The following AFF2 variants were observed in gnomAD, a reference collection of about 807,000 sequenced individuals.
The protein encoded by AFF2 is ALF transcription elongation factor 2.
In AFF2, 14 loss-of-function variants were observed where a neutral mutation model predicts 76.9. The observed-to-expected ratio is 0.18, with a 90% CI of 0.12 to 0.28. The LOEUF is 0.28. AFF2 is among the 10% of genes least tolerant of loss of function. AFF2 has a pLI of 1.00. For synonymous variants in AFF2, 398 were observed against 366.7 expected (o/e 1.09, Z -0.98); for missense variants, 868 against 1,001.1 (o/e 0.87, Z 1.79).
chrX:148,601,846 A>G (rs1432856062), intron 1 of AFF2, among the ~76,000 whole-genome samples: 2 of 112,193 alleles, frequency 1.8e-5, no homozygotes, highest in Non-Finnish European at 3.8e-5. Context: ...TCTCCATTCA[A>G]TAATGGTTTT....
chrX:148,635,166 C>A (rs2054018560), intron 1 of AFF2, among the ~76,000 whole-genome samples: 1 of 111,212 alleles, frequency 9.0e-6, no homozygotes, highest in South Asian at 3.8e-4. Context: ...GGGAGATTAT[C>A]CTGGATTATC....
intron 5 of AFF2, among the ~76,000 whole-genome samples, chrX:148,839,683 C>T (rs1265375212): frequency 9.0e-6 from 1 of 111,724 alleles, no homozygotes; most frequent in Non-Finnish European, 1.9e-5. Flanking sequence ...GGTGATTTCC[C>T]TTTCCTCAGT....
chrX:148,567,191 C>G (rs782445847), intron 1 of AFF2, among the ~76,000 whole-genome samples: 22 of 111,926 alleles, frequency 2.0e-4, no homozygotes, highest in African/African-American at 5.5e-4. Flanking sequence ...ATTTATGCTA[C>G]AGTGATTCTC....
At chrX:148,593,973 A>G (rs781858755) in intron 1 of AFF2, among the ~76,000 whole-genome samples, 1 of 111,257 alleles carries the variant, frequency 9.0e-6, no homozygotes, top group Non-Finnish European at 1.9e-5. Context: ...TACCAAAACA[A>G]TTTCTTCACA....
At chrX:148,869,927 A>T (rs1263954998) in intron 7 of AFF2, among the ~76,000 whole-genome samples, 3 of 111,300 alleles carry the variant, frequency 2.7e-5, no homozygotes, top group Non-Finnish European at 5.7e-5. Context: ...GTCATATCGG[A>T]TTAGGGATCA....
chrX:148,886,955 G>A (rs187729786), intron 8 of AFF2, among the ~76,000 whole-genome samples: 52 of 112,504 alleles, frequency 4.6e-4, no homozygotes, highest in African/African-American at 1.6e-3. Context: ...AAATTATCAA[G>A]GCTCAGCTAC....
chrX:148,723,475 A>G (rs181076852), intron 3 of AFF2, among the ~76,000 whole-genome samples: 451 of 111,224 alleles, frequency 4.1e-3, no homozygotes, highest in Non-Finnish European at 6.6e-3. Context: ...AATTATTGAG[A>G]GCACATTAGG....
intron 7 of AFF2, among the ~76,000 whole-genome samples, chrX:148,850,235 T>G (rs184156049): frequency 1.6e-3 from 176 of 112,099 alleles, no homozygotes; most frequent in African/African-American, 5.6e-3. Context: ...AAGAGAAAAC[T>G]AATATTTGGG....
Position 148,554,487 on chromosome X carries a change from G to T in AFF2, c.47+53343G>T, listed in dbSNP as rs782500605. On this transcript the variant is annotated intron_variant, in intron 1 of 20. Coordinates refer to ENST00000370460, the MANE Select transcript of AFF2 (RefSeq NM_002025.4). Reference sequence around the variant, plus strand: ...AGACAGGGCTGGAGGTTAGCAGAGGGTGATAAAACTGAAGGAGTTAGATCG... The same window carrying T: ...AGACAGGGCTGGAGGTTAGCAGAGGTTGATAAAACTGAAGGAGTTAGATCG... Among the ~76,000 whole-genome samples the T allele has an allele frequency of 6.2e-5, 7 of 112,155 alleles. No homozygotes were observed. In the South Asian group the frequency reaches 2.6e-3, roughly 42 times the overall value.
intron 3 of AFF2, among the ~76,000 whole-genome samples, chrX:148,780,594 C>G (rs1557269010): frequency 9.0e-6 from 1 of 111,548 alleles, no homozygotes; most frequent in Admixed American, 9.5e-5. Context: ...TTTTTCAGCT[C>G]CATAAGGTCA....
chrX:148,771,671 A>G lies in AFF2; in HGVS notation c.1042-38205A>G, dbSNP rs782807399. On this transcript the variant is annotated intron_variant, in intron 3 of 20. Coordinates refer to ENST00000370460, the MANE Select transcript of AFF2 (RefSeq NM_002025.4). The stretch of plus-strand genomic sequence containing the variant: ...CACCAGGTGATCCTCAGTGAATCTG[A>G]TTGTTGACTCATTTGCTCTCTCACT... Among the ~76,000 whole-genome samples, 9 of 112,162 alleles carry G rather than the reference A, an allele frequency of 8.0e-5. No homozygotes were observed. In the East Asian group the frequency reaches 2.3e-3, roughly 28 times the overall value.
At chrX:148,836,343 A>G (rs782394282) in intron 4 of AFF2, among the ~76,000 whole-genome samples, 3 of 112,110 alleles carry the variant, frequency 2.7e-5, no homozygotes, top group African/African-American at 9.7e-5. Context: ...TCTGTGAAGT[A>G]TCTCCTTGCA....
intron 4 of AFF2, among the ~76,000 whole-genome samples, chrX:148,816,325 AG>A (rs1410884032): frequency 5.4e-5 from 6 of 111,711 alleles, no homozygotes; most frequent in African/African-American, 2.0e-4. Context: ...GAATAAAACA[AG>A]GCTTGTCCCT....
intron 8 of AFF2, among the ~76,000 whole-genome samples, chrX:148,899,348 G>A (rs1569556809): frequency 9.0e-6 from 1 of 111,499 alleles, no homozygotes; most frequent in Non-Finnish European, 1.9e-5. Context: ...TTGATTTTAG[G>A]CCATCTGAAT....
At chrX:148,852,719 C>A (rs1238493859) in intron 7 of AFF2, among the ~76,000 whole-genome samples, 1 of 111,592 alleles carries the variant, frequency 9.0e-6, no homozygotes, top group East Asian at 2.8e-4. Flanking sequence ...ATGCTCACAG[C>A]AACCTCGTGA....
At chrX:148,627,632 G>A (rs782231805) in intron 1 of AFF2, among the ~76,000 whole-genome samples, 20 of 112,216 alleles carry the variant, frequency 1.8e-4, no homozygotes, top group African/African-American at 6.5e-4. Flanking sequence ...AAGGTAAAAT[G>A]AATGGTCTGG....
At chrX:148,949,763 A>C (rs782609583) in intron 9 of AFF2, among the ~76,000 whole-genome samples, 2 of 112,591 alleles carry the variant, frequency 1.8e-5, no homozygotes, top group African/African-American at 3.2e-5. Flanking sequence ...AATGTTAATT[A>C]TTTTTAGTAT....
At chrX:148,619,638 C>A (rs184759380) in intron 1 of AFF2, among the ~76,000 whole-genome samples, 1 of 112,098 alleles carries the variant, frequency 8.9e-6, no homozygotes, top group Non-Finnish European at 1.9e-5. Flanking sequence ...ATAGAATATT[C>A]CAGATATGCC....
chrX:148,532,421 C>A (rs1225633851), intron 1 of AFF2, among the ~76,000 whole-genome samples: 2 of 111,900 alleles, frequency 1.8e-5, no homozygotes, highest in African/African-American at 6.5e-5. Flanking sequence ...CACTATTGTG[C>A]ATTTCAGTAA....
Sources: allele counts gnomAD v4.1 joint callset (sites outside exome capture counted in the v4.1 genomes callset), GRCh38; gene constraint gnomAD v4.1.1; transcripts MANE v1.5; gene names NCBI Gene and HGNC (gene_info 2026-07-23, HGNC 2026-07-21).